The following EYA1 variants were observed in gnomAD, a reference collection of about 807,000 sequenced individuals.
EYA1 encodes protein phosphatase EYA1.
In EYA1, 16 loss-of-function variants were observed where a neutral mutation model predicts 82.0. The observed-to-expected ratio is 0.20, with a 90% CI of 0.13 to 0.30. The LOEUF (loss-of-function observed/expected upper bound fraction) is 0.30, where lower values mean the gene tolerates loss of function less well. Ranked by LOEUF, EYA1 falls within the 10% of genes least tolerant of loss-of-function variation. EYA1 has a pLI of 1.00. For synonymous variants in EYA1, 261 were observed against 264.4 expected, an observed-to-expected ratio of 0.99 and a Z score of 0.12; for missense variants, 633 against 730.7, an observed-to-expected ratio of 0.87 and a Z score of 1.54.
chr8:71,326,468 C>G (rs1309872527), intron 4 of EYA1, among the ~76,000 whole-genome samples: 2 of 152,086 alleles, frequency 1.3e-5, no homozygotes, highest in Admixed American at 1.3e-4. Flanking sequence ...GAAGAAGCAC[C>G]TCCTGATTCT....
At chr8:71,393,240 A>G (rs1829380270) in intron 2 of EYA1, among the ~76,000 whole-genome samples, 1 of 152,078 alleles carries the variant, frequency 6.6e-6, no homozygotes, top group African/African-American at 2.4e-5. Flanking sequence ...GGAGTGAAGG[A>G]CATATAGATT....
intron 1 of EYA1, among the ~76,000 whole-genome samples, chr8:71,360,126 TTAA>T (rs1227711018): frequency 1.4e-4 from 22 of 152,230 alleles, no homozygotes; most frequent in Admixed American, 5.2e-4. Context: ...AATAAATGCT[TTAA>T]TACTACTGCT....
chr8:71,458,980 T>C (rs963870722), intron 2 of EYA1, among the ~76,000 whole-genome samples: 1 of 152,136 alleles, frequency 6.6e-6, no homozygotes, highest in African/African-American at 2.4e-5. Flanking sequence ...AAGAGTTTAT[T>C]ACAGTGGCGG....
intron 7 of EYA1, among the ~76,000 whole-genome samples, chr8:71,309,050 G>A (rs1294299936): frequency 6.6e-6 from 1 of 152,150 alleles, no homozygotes; most frequent in African/African-American, 2.4e-5. Context: ...TTTAAAACCA[G>A]GATTTTCCCC....
Position 71,197,830 on chromosome 8 carries a change from TA to T in EYA1, c.*1509del, listed in dbSNP as rs1269273963. 1 of 152,596 alleles carries T rather than the reference TA, an allele frequency of 6.6e-6. No individual in the cohort carries two copies. Among genetic ancestry groups the T allele is most frequent in the Non-Finnish European group, 1.5e-5 (1 of 68,022 alleles). The allele number at this position is 152,596 out of a possible 1,614,324, so 9.5% of individuals were successfully genotyped here. On this transcript the variant is annotated 3_prime_UTR_variant, in exon 18 of 18. Transcript: ENST00000340726. ...TTTCATGACAATGGATTGTGTTTGT[TA>T]GATGAGAGAAAATATTGCCCAGCCA... is the stretch of plus-strand genomic sequence containing the variant.
At chr8:71,463,900 C>G (rs561452472) in intron 2 of EYA1, among the ~76,000 whole-genome samples, 1 of 151,936 alleles carries the variant, frequency 6.6e-6, no homozygotes, top group Non-Finnish European at 1.5e-5. Context: ...GCTTTCTCGC[C>G]TTCACATTTT....
chr8:71,436,827 T>G (rs1168282402), intron 2 of EYA1, among the ~76,000 whole-genome samples: 3 of 152,192 alleles, frequency 2.0e-5, no homozygotes, highest in Admixed American at 1.3e-4. Context: ...GGAAGGTAAA[T>G]TCACACTAAT....
intron 3 of EYA1, among the ~76,000 whole-genome samples, chr8:71,344,202 A>C (rs1825464257): frequency 6.6e-6 from 1 of 152,172 alleles, no homozygotes; most frequent in Non-Finnish European, 1.5e-5. Flanking sequence ...CTTTCAACAG[A>C]TACATATTAT....
intron 2 of EYA1, among the ~76,000 whole-genome samples, chr8:71,379,972 G>T (rs995802782): frequency 1.3e-5 from 2 of 152,192 alleles, no homozygotes; most frequent in African/African-American, 4.8e-5. Context: ...ATCTTGAGAT[G>T]GCTGTCTTGA....
intron 2 of EYA1, among the ~76,000 whole-genome samples, chr8:71,393,352 T>G (rs1302907239): frequency 6.6e-6 from 1 of 152,144 alleles, no homozygotes; most frequent in Non-Finnish European, 1.5e-5. Context: ...ACGTGCAGGT[T>G]TGTTACATAT....
At chr8:71,298,923 A>G in intron 9 of EYA1, 124 bp downstream of exon 9, 4 of 801,034 alleles carry the variant, frequency 5.0e-6, no homozygotes, top group Admixed American at 2.0e-5. Context: ...TGCTTGACTT[A>G]TATTTAGTCC....
chr8:71,251,552 C>T (rs984806811), intron 11 of EYA1, among the ~76,000 whole-genome samples: 3 of 152,192 alleles, frequency 2.0e-5, no homozygotes, highest in Admixed American at 6.5e-5. Context: ...CTACCCATGG[C>T]TGTTTTCAGT....
chr8:71,274,156 C>T (rs1355548245), intron 9 of EYA1, among the ~76,000 whole-genome samples: 1 of 151,892 alleles, frequency 6.6e-6, no homozygotes, highest in Non-Finnish European at 1.5e-5. Flanking sequence ...AAAGTTTTTC[C>T]AGGTAAAGGG....
At chr8:71,380,293 G>A (rs544075102) in intron 2 of EYA1, among the ~76,000 whole-genome samples, 4 of 152,230 alleles carry the variant, frequency 2.6e-5, no homozygotes, top group African/African-American at 9.6e-5. Context: ...ATGTGCCCAC[G>A]GCTCTTGCTA....
Position 71,217,920 on chromosome 8 carries a change from G to A in EYA1, c.1141-897C>T, listed in dbSNP as rs1432787042. Among the ~76,000 whole-genome samples the A allele has an allele frequency of 5.3e-5, 8 of 152,070 alleles. No homozygotes were observed. In the South Asian group the frequency reaches 8.3e-4, roughly 16 times the overall value. ...GGAGCACCCATATATCTTAACCACC[G>A]TATCCCCAGATGAATTGTGGGAAGA... On this transcript the variant is annotated intron_variant, in intron 12 of 17. Transcript: ENST00000340726.
intron 2 of EYA1, among the ~76,000 whole-genome samples, chr8:71,377,759 C>T (rs1465792746): frequency 2.0e-5 from 3 of 152,130 alleles, no homozygotes; most frequent in Admixed American, 1.3e-4. Context: ...TCTACCCAGC[C>T]CCTGGTAACT....
intron 12 of EYA1, among the ~76,000 whole-genome samples, chr8:71,226,206 T>G (rs768259901): frequency 9.9e-5 from 15 of 152,128 alleles, no homozygotes; most frequent in Non-Finnish European, 2.1e-4. Context: ...TGAACACATG[T>G]TTTTCAAAGT....
At chr8:71,206,878 C>T (rs544452660) in intron 17 of EYA1, among the ~76,000 whole-genome samples, 3 of 152,164 alleles carry the variant, frequency 2.0e-5, no homozygotes, top group African/African-American at 7.2e-5. Context: ...ACTTCAGCCT[C>T]CTGAGTAGCT....
upstream of EYA1, among the ~76,000 whole-genome samples, chr8:71,365,069 A>G (rs1443181580): frequency 2.7e-5 from 4 of 150,376 alleles, no homozygotes; most frequent in Non-Finnish European, 5.9e-5. Context: ...TATATGTGAG[A>G]GAGAGAGACA....
Sources: gnomAD v4.1 joint callset for allele counts (sites outside exome capture counted in the v4.1 genomes callset) on GRCh38, gnomAD v4.1.1 for gene constraint, MANE v1.5 for transcripts, NCBI Gene and HGNC (gene_info 2026-07-23, HGNC 2026-07-21) for gene names.